HNRNPR: variants seen among roughly 807,000 people sequenced by gnomAD.
HNRNPR encodes the protein heterogeneous nuclear ribonucleoprotein R.
HNRNPR carries 4 observed loss-of-function variants against 70.3 expected under a neutral mutation model. That is an observed-to-expected ratio of 0.06 (90% CI 0.03 to 0.13). The LOEUF is 0.13. Among genes scored for constraint, HNRNPR ranks in the 10% least tolerant of loss-of-function variants. The pLI is 1.00. For synonymous variants in HNRNPR, 241 were observed against 267.6 expected, an observed-to-expected ratio of 0.90 and a Z score of 0.97; for missense variants, 423 against 788.5, an observed-to-expected ratio of 0.54 and a Z score of 5.55.
chr1:23,312,818 C>T (rs1200157599), intron 9 of HNRNPR, among the ~76,000 whole-genome samples: 1 of 152,060 alleles, frequency 6.6e-6, no homozygotes, highest in African/African-American at 2.4e-5. Context: ...GATCTATCTT[C>T]CTAATAACAT....
intron 6 of HNRNPR, among the ~76,000 whole-genome samples, chr1:23,323,261 A>G (rs1037035205): frequency 1.3e-5 from 2 of 151,458 alleles, no homozygotes; most frequent in Non-Finnish European, 2.9e-5. Flanking sequence ...GCCTAAAACC[A>G]AAAGACAGAA....
At chr1:23,336,972 TTA>T (rs1192180112) in intron 4 of HNRNPR, among the ~76,000 whole-genome samples, 1 of 152,150 alleles carries the variant, frequency 6.6e-6, no homozygotes, top group East Asian at 1.9e-4. Flanking sequence ...TCTAAGTGCT[TTA>T]TATATGTTAA....
intron 3 of HNRNPR, 197 bp from the exon 4 acceptor site, chr1:23,338,058 C>T: frequency 2.1e-6 from 1 of 482,586 alleles, no homozygotes; most frequent in Non-Finnish European, 3.7e-6. Context: ...CCTCAGGGAG[C>T]TTACCTTCTA....
At chr1:23,324,087 C>T (rs1287424278) in intron 5 of HNRNPR, among the ~76,000 whole-genome samples, 4 of 150,016 alleles carry the variant, frequency 2.7e-5, no homozygotes, top group African/African-American at 7.4e-5. Context: ...CCAAGGAAGG[C>T]GGATCACTTG....
chr1:23,322,921 C>T lies in HNRNPR; in HGVS notation c.675+635G>A, dbSNP rs550180115. Among the ~76,000 whole-genome samples the T allele has an allele frequency of 9.2e-5, 14 of 152,232 alleles. No individual in the cohort carries two copies. In the East Asian group the frequency reaches 2.5e-3, roughly 27 times the overall value. ...GATTTGCAGAACTTTGTTGCTACTA[C>T]TACTGGTCTGAAATGAGCACCAAGT... On this transcript the variant is annotated intron_variant, in intron 6 of 10. Transcript: ENST00000302271.
chr1:23,307,015 T>C lies in HNRNPR; in HGVS notation c.*3439A>G, dbSNP rs967451981. On this transcript the variant is annotated 3_prime_UTR_variant, in exon 11 of 11. Transcript: ENST00000302271. ...TTTCTTAGTTGCTCACTTAAGAGAT[T>C]CCACATAATAATTGTCCACATAATA... 3 of 152,212 alleles carry C rather than the reference T, an allele frequency of 2.0e-5. No individual in the cohort carries two copies. The highest frequency in any genetic ancestry group is 7.2e-5 in the African/African-American group (3 of 41,462). The allele number at this position is 152,212 out of a possible 1,614,324, so 9.4% of individuals were successfully genotyped here. A position where few individuals can be genotyped will look rare whatever the true frequency, so the allele number is the denominator to read the frequency against.
intron 8 of HNRNPR, among the ~76,000 whole-genome samples, chr1:23,314,769 A>C (rs628750): frequency 0.06 from 9,110 of 152,228 alleles, 892 homozygotes; most frequent in African/African-American, 0.2. Context: ...CTCCTACAGA[A>C]AGGAATATGG....
At chr1:23,317,988 A>G (rs1645616773) in intron 8 of HNRNPR, among the ~76,000 whole-genome samples, 1 of 151,644 alleles carries the variant, frequency 6.6e-6, no homozygotes, top group African/African-American at 2.4e-5. Flanking sequence ...TCAAAAAATA[A>G]TAATAATAAA....
chr1:23,314,572 T>C (rs959095508), intron 8 of HNRNPR, among the ~76,000 whole-genome samples: 5 of 152,202 alleles, frequency 3.3e-5, no homozygotes, highest in Admixed American at 2.0e-4. Context: ...GAAACACATA[T>C]GGCTCTTAAA....
Position 23,337,769 on chromosome 1 carries a change from A to G in HNRNPR, c.369T>C (p.Asp123=), listed in dbSNP as rs543262001. The G allele has an allele frequency of 1.9e-5, 30 of 1,609,808 alleles. No individual in the cohort carries two copies. The South Asian group carries it at 3.0e-4, about 16-fold the overall frequency. Residue 123 remains aspartate, a synonymous_variant, in exon 4 of 11, where the codon GAT becomes GAC. Transcript: ENST00000302271. ...CAAGTTTTACCTTGATCTTCGCTTC[A>G]TCAGGTCCCTTTGTGGACTCTTGCA... ...SKVQESTKGP[D]EAKIKALLER...
At chr1:23,321,959 A>C (rs550629408) in intron 6 of HNRNPR, among the ~76,000 whole-genome samples, 1 of 152,190 alleles carries the variant, frequency 6.6e-6, no homozygotes, top group Non-Finnish European at 1.5e-5. Flanking sequence ...TTTTCCACAG[A>C]TTTTTCAGAA....
intron 5 of HNRNPR, among the ~76,000 whole-genome samples, chr1:23,325,019 AG>A (rs1645912231): frequency 6.6e-6 from 1 of 151,976 alleles, no homozygotes; most frequent in Non-Finnish European, 1.5e-5. Flanking sequence ...CGGCGCCTGT[AG>A]CCCCAGCTAC....
At chr1:23,343,656 G>A (rs142746777) in intron 1 of HNRNPR, among the ~76,000 whole-genome samples, 77 of 152,330 alleles carry the variant, frequency 5.1e-4, no homozygotes, top group Admixed American at 7.2e-4. Flanking sequence ...CATGCAGAAT[G>A]TGGGAGGGGA....
At chr1:23,343,715 C>G (rs1570153985) in intron 1 of HNRNPR, among the ~76,000 whole-genome samples, 1 of 152,202 alleles carries the variant, frequency 6.6e-6, no homozygotes, top group Non-Finnish European at 1.5e-5. Context: ...TCACACAAAA[C>G]TTTTCTCCCG....
chr1:23,339,010 T>C (rs1165324168), intron 2 of HNRNPR, among the ~76,000 whole-genome samples: 1 of 152,218 alleles, frequency 6.6e-6, no homozygotes, highest in Non-Finnish European at 1.5e-5. Flanking sequence ...AGGATAAACC[T>C]TCAAATTACA....
chr1:23,316,278 T>C (rs1429009732), intron 8 of HNRNPR, among the ~76,000 whole-genome samples: 1 of 152,168 alleles, frequency 6.6e-6, no homozygotes, highest in Non-Finnish European at 1.5e-5. Context: ...GGGCAGCTAC[T>C]GCACTCCAGC....
At position 23,318,157 on chromosome 1, in the gene HNRNPR, C is replaced by T. The variant is rs1363659567; in HGVS notation, c.1017+326G>A. On this transcript the variant is annotated intron_variant, in intron 8 of 10. Coordinates refer to ENST00000302271, the MANE Select transcript of HNRNPR (RefSeq NM_005826.5). This position sits in a 1 kb window ranked among gnomAD's most constrained non-coding sequence, Gnocchi z 4.2. ...CTCCAAAACATTACTTCTCTCTTTA[C>T]TCAGGACTTTTAAAAAAAAAAAAAA... Among the ~76,000 whole-genome samples the T allele has an allele frequency of 3.3e-5, 5 of 149,346 alleles. No homozygotes were observed. In the East Asian group the frequency reaches 9.7e-4, roughly 29 times the overall value.
Position 23,310,757 on chromosome 1 carries a change from C to T in HNRNPR, c.1599G>A (p.Gly533=). The change falls in exon 11 of 11, where the codon GGG becomes GGA. Residue 533 remains glycine (G), a synonymous_variant. Coordinates refer to ENST00000302271, the MANE Select transcript of HNRNPR (RefSeq NM_005826.5). This position sits in a 1 kb window ranked among gnomAD's most constrained non-coding sequence, Gnocchi z 6.0. ...PRGRAGYSQR[G]APLGPPRGSR... is the part of the protein sequence containing the mutation. ...AGCCTCTTGGTGGTCCCAAAGGTGC[C>T]CCCCTCTGTGAATAGCCAGCTCTAC... is the stretch of plus-strand genomic sequence containing the variant. 6.2e-7 allele frequency: 1 copy of T among 1,613,672 alleles called. No individual in the cohort carries two copies. Among genetic ancestry groups the T allele is most frequent in the Non-Finnish European group, 8.5e-7 (1 of 1,179,814 alleles).
At chr1:23,317,455 C>CA (rs955990555) in intron 8 of HNRNPR, among the ~76,000 whole-genome samples, 6 of 149,626 alleles carry the variant, frequency 4.0e-5, no homozygotes, top group Admixed American at 1.3e-4. Flanking sequence ...GACTCCATCT[C>CA]AAAAAAAAAG....
Sources: gnomAD v4.1 joint callset for allele counts (sites outside exome capture counted in the v4.1 genomes callset) on GRCh38, gnomAD v4.1.1 for gene constraint, Gnocchi (gnomAD v3.1) non-coding constraint, MANE v1.5 for transcripts, NCBI Gene and HGNC (gene_info 2026-07-23, HGNC 2026-07-21) for gene names.